The following ZBED5 variants were observed in gnomAD, a reference collection of about 807,000 sequenced individuals.
ZBED5 encodes zinc finger BED domain-containing protein 5.
In ZBED5, 29 loss-of-function variants were observed where a neutral mutation model predicts 49.2. The observed-to-expected ratio is 0.59, with a 90% CI of 0.44 to 0.80. ZBED5 has a LOEUF of 0.80. ZBED5 is among the 30% of genes least tolerant of loss of function. The pLI is 0.00. For synonymous variants in ZBED5, 281 were observed against 292.5 expected (o/e 0.96, Z 0.40); for missense variants, 775 against 812.9 (o/e 0.95, Z 0.57).
chr11:10,853,089 G>T lies in ZBED5; in HGVS notation c.1857C>A (p.Ser619Arg). ...SELSLNDFWSSLIQEYPSIAR... is the reference protein window; with the variant it reads ...SELSLNDFWSRLIQEYPSIAR... ...CAATGCTTGGGTATTCCTGAATTAG[G>T]CTACTCCAAAAATCATTTAGTGAAA... Residue 619 changes from serine to arginine, a missense_variant, in exon 3 of 3, where the codon AGC (serine) becomes AGA (arginine). By Grantham distance (110) the Ser-to-Arg change is moderately radical. Transcript: ENST00000413761. The surrounding 1 kb of genome is among the most constrained non-coding windows in gnomAD (Gnocchi z 5.4). The T allele has an allele frequency of 6.4e-7, 1 of 1,551,554 alleles. No individual in the cohort carries two copies. The highest frequency in any genetic ancestry group is 8.7e-7 in the Non-Finnish European group (1 of 1,146,952).
In ZBED5 at chr11:10,853,522, G is replaced by T. The variant is rs1360438206; in HGVS notation, c.1424C>A (p.Ala475Glu). ...TTTAGTAAAAATATCTGCAAGATAT[G>T]CAAGTCTTAGCAGCCAAGATGAATT... ...LTNSSWLLRLAYLADIFTKLN... is the reference protein window; with the variant it reads ...LTNSSWLLRLEYLADIFTKLN... Residue 475 changes from alanine (A) to glutamate (E), a missense_variant, in exon 3 of 3, where the codon GCA becomes GAA. Coordinates refer to ENST00000413761, the MANE Select transcript of ZBED5 (RefSeq NM_001143667.2). This position sits in a 1 kb window ranked among gnomAD's most constrained non-coding sequence, Gnocchi z 5.4. 2 of 1,550,322 alleles carry T rather than the reference G, an allele frequency of 1.3e-6. No homozygotes were observed. Among genetic ancestry groups the T allele is most frequent in the South Asian group, 1.2e-5 (1 of 83,854 alleles).
At position 10,854,235 on chromosome 11, in the gene ZBED5, T is replaced by A; in HGVS notation, c.711A>T (p.Lys237Asn). 1 of 1,550,944 alleles carries A rather than the reference T, an allele frequency of 6.4e-7. No individual in the cohort carries two copies. The highest frequency in any genetic ancestry group is 8.7e-7 in the Non-Finnish European group (1 of 1,146,540). ...TGTTTGATAGCTGTACTGCATCTAT[T>A]TTTTTACTATATTGTTCATCAAACA... ...MRMFDEQYSKKIDAVQLSNST... is the reference protein window; with the variant it reads ...MRMFDEQYSKNIDAVQLSNST... The change falls in exon 3 of 3, where the codon AAA becomes AAT. Residue 237 changes from lysine to asparagine, a missense_variant. Physicochemically the swap from Lys to Asn is moderately conservative, Grantham distance 94. Transcript: ENST00000413761. This position sits in a 1 kb window ranked among gnomAD's most constrained non-coding sequence, Gnocchi z 5.0.
rs1848163393 is a variant in ZBED5 at position 10,855,142 on chromosome 11, T to G, written c.-141-56A>C. 7.6e-6 allele frequency: 4 copies of G among 528,882 alleles called. No homozygotes were observed. Among genetic ancestry groups the G allele is most frequent in the Non-Finnish European group, 1.3e-5 (4 of 315,708 alleles). The allele number at this position is 528,882 out of a possible 1,614,324, so 32.8% of individuals were successfully genotyped here. On this transcript the variant is annotated intron_variant, in intron 2 of 2. Coordinates refer to ENST00000413761, the MANE Select transcript of ZBED5 (RefSeq NM_001143667.2). The surrounding 1 kb of genome is among the most constrained non-coding windows in gnomAD (Gnocchi z 4.1). ...AGCTATAGAAATGAGTTTAGCAGTC[T>G]TAATCTCATATTTAAATAAACATAT... is the stretch of plus-strand genomic sequence containing the variant.
chr11:10,853,938 T>C lies in ZBED5; in HGVS notation c.1008A>G (p.Glu336=), dbSNP rs77773494. The change falls in exon 3 of 3, where the codon GAA becomes GAG. Residue 336 remains glutamate, a synonymous_variant. Transcript: ENST00000413761. This position sits in a 1 kb window ranked among gnomAD's most constrained non-coding sequence, Gnocchi z 5.4. ...SFMQKHEIEW[E]KCVDVCSDAS... ...CATCACTACAAACATCAACACATTT[T>C]TCCCATTCAATTTCATGTTTCTGCA... The C allele has an allele frequency of 2.8e-4, 441 of 1,551,564 alleles. 5 individuals carry two copies. The African/African-American group carries it at 5.1e-3, about 18-fold the overall frequency.
rs1848127897 is a variant in ZBED5 at position 10,853,354 on chromosome 11, C to T, written c.1592G>A (p.Ser531Asn). Residue 531 changes from serine to asparagine, a missense_variant, in exon 3 of 3, where the codon AGT (serine) becomes AAT (asparagine). Ser to Asn is a conservative substitution (Grantham distance 46). Transcript: ENST00000413761. This position sits in a 1 kb window ranked among gnomAD's most constrained non-coding sequence, Gnocchi z 5.4. The part of the protein sequence containing the change: ...EENFDCFPTL[S>N]DFLTEINSTV... ...AGAATTAATTTCAGTCAAAAAATCA[C>T]TGAGTGTAGGAAAACAATCAAAGTT... 6.4e-7 allele frequency: 1 copy of T among 1,551,590 alleles called. No homozygotes were observed. The highest frequency in any genetic ancestry group is 8.7e-7 in the Non-Finnish European group (1 of 1,146,930).
chr11:10,853,819 C>A lies in ZBED5; in HGVS notation c.1127G>T (p.Arg376Ile). Reference sequence around the variant, plus strand: ...CATTATTTTAACTGCCAGTGCATGTCTGTATAATAGGCAGTGACTACTGGT... The same window carrying A: ...CATTATTTTAACTGCCAGTGCATGTATGTATAATAGGCAGTGACTACTGGT... ...ESTSSHCLLYRHALAVKIMPT... is the reference protein window; with the variant it reads ...ESTSSHCLLYIHALAVKIMPT... The change falls in exon 3 of 3, where the codon AGA becomes ATA. Residue 376 changes from arginine to isoleucine, a missense_variant. Transcript: ENST00000413761. This position sits in a 1 kb window ranked among gnomAD's most constrained non-coding sequence, Gnocchi z 5.4. 6.4e-7 allele frequency: 1 copy of A among 1,551,586 alleles called. No individual in the cohort carries two copies. The highest frequency in any genetic ancestry group is 8.7e-7 in the Non-Finnish European group (1 of 1,146,934).
Position 10,853,730 on chromosome 11 carries a change from G to A in ZBED5, c.1216C>T (p.Pro406Ser). ...ATTTTTAATAGTCTGGATTGATGTG[G>A]TCGAGCTTTAATATAATTGATGATT... The part of the protein sequence containing the change: ...VQIINYIKAR[P>S]HQSRLLKILC... The change falls in exon 3 of 3, where the codon CCA becomes TCA. Residue 406 changes from proline to serine, a missense_variant. Pro to Ser is a moderately conservative substitution (Grantham distance 74, BLOSUM62 -1). Coordinates refer to ENST00000413761, the MANE Select transcript of ZBED5 (RefSeq NM_001143667.2). The surrounding 1 kb of genome is among the most constrained non-coding windows in gnomAD (Gnocchi z 5.4). 1 of 1,551,608 alleles carries A rather than the reference G, an allele frequency of 6.4e-7. No homozygotes were observed. The highest frequency in any genetic ancestry group is 8.7e-7 in the Non-Finnish European group (1 of 1,146,936).
chr11:10,856,020 G>A (rs868820224), intron 2 of ZBED5, 124 bp downstream of exon 2: 5 of 152,142 alleles, frequency 3.3e-5, no homozygotes, highest in Non-Finnish European at 7.4e-5. Context: ...TACAAATTAT[G>A]TCTGTCCAAA....
In ZBED5 at chr11:10,853,104, A is replaced by G. The variant is rs550676659; in HGVS notation, c.1842T>C (p.Asn614=). 153 of 1,551,686 alleles carry G rather than the reference A, an allele frequency of 9.9e-5. 2 individuals are homozygous for G. The South Asian group carries it at 1.7e-3, about 18-fold the overall frequency. ...VKQNFSELSL[N]DFWSSLIQEY... Reference sequence around the variant, plus strand: ...CCTGAATTAGGCTACTCCAAAAATCATTTAGTGAAAGTTCACTAAAATTTT... The same window carrying G: ...CCTGAATTAGGCTACTCCAAAAATCGTTTAGTGAAAGTTCACTAAAATTTT... The change falls in exon 3 of 3, where the codon AAT becomes AAC. Residue 614 remains asparagine (N), a synonymous_variant. Transcript: ENST00000413761. This position sits in a 1 kb window ranked among gnomAD's most constrained non-coding sequence, Gnocchi z 5.4.
Position 10,855,459 on chromosome 11 carries a change from G to A in ZBED5, c.-141-373C>T, listed in dbSNP as rs1267485940. 6.6e-6 allele frequency among the ~76,000 whole-genome samples: 1 copy of A among 152,122 alleles called. No homozygotes were observed. Among genetic ancestry groups the A allele is most frequent in the African/African-American group, 2.4e-5 (1 of 41,416 alleles). On this transcript the variant is annotated intron_variant, in intron 2 of 2. Transcript: ENST00000413761. This position sits in a 1 kb window ranked among gnomAD's most constrained non-coding sequence, Gnocchi z 4.1. ...GACAATACATGAAAGAATGGACACA[G>A]GTGTGTTCCAATAAAACTTTACGTA...
In ZBED5 at chr11:10,853,639, G is replaced by C. The variant is rs1590060543; in HGVS notation, c.1307C>G (p.Ser436Cys). The change falls in exon 3 of 3, where the codon TCT becomes TGT. Residue 436 changes from serine (S) to cysteine (C), a missense_variant. Transcript: ENST00000413761. The surrounding 1 kb of genome is among the most constrained non-coding windows in gnomAD (Gnocchi z 5.4). ...AAGTCTTACAAGAACTTTACCTCGA[G>C]AAAGCCACCTCACCTCTGTATTTAG... Reference protein sequence around the residue: ...LLLNTEVRWLSRGKVLVRLFE... With the variant: ...LLLNTEVRWLCRGKVLVRLFE... 2 of 1,551,618 alleles carry C rather than the reference G, an allele frequency of 1.3e-6. No homozygotes were observed. Among genetic ancestry groups the C allele is most frequent in the Non-Finnish European group, 8.7e-7 (1 of 1,146,944 alleles).
chr11:10,854,917 G>C lies in ZBED5; in HGVS notation c.29C>G (p.Ser10Cys). The C allele has an allele frequency of 6.4e-7, 1 of 1,550,776 alleles. No homozygotes were observed. Among genetic ancestry groups the C allele is most frequent in the Non-Finnish European group, 8.7e-7 (1 of 1,146,302 alleles). The change falls in exon 3 of 3, where the codon TCT (serine) becomes TGT (cysteine). Residue 10 changes from serine to cysteine, a missense_variant. By Grantham distance (112) the Ser-to-Cys change is moderately radical. Coordinates refer to ENST00000413761, the MANE Select transcript of ZBED5 (RefSeq NM_001143667.2). This position sits in a 1 kb window ranked among gnomAD's most constrained non-coding sequence, Gnocchi z 5.0. Reference protein sequence around the residue: MIAPLLCILSYNFNTFAILN... With the variant: MIAPLLCILCYNFNTFAILN... ...TATCGCAAATGTGTTGAAATTATAA[G>C]ACAGGATACAAAGAAGAGGAGCAAT...
In ZBED5 at chr11:10,857,587, G is replaced by GT. The variant is rs1848201321; in HGVS notation, c.-256+274_-256+275insA. On this transcript the variant is annotated intron_variant, in intron 1 of 2. Coordinates refer to ENST00000413761, the MANE Select transcript of ZBED5 (RefSeq NM_001143667.2). The surrounding 1 kb of genome is among the most constrained non-coding windows in gnomAD (Gnocchi z 6.3). ...GCCCACAGATTGCCACGACTGGGGG[G>GT]CTCCCTACCAGTCGCAGCCCACCCT... The GT allele has an allele frequency of 2.0e-5, 3 of 152,244 alleles. No individual in the cohort carries two copies. The highest frequency in any genetic ancestry group is 2.0e-4 in the Admixed American group (3 of 15,264). 9.4% of individuals were successfully genotyped at this position (152,244 alleles called of 1,614,324 possible). A position where few individuals can be genotyped will look rare whatever the true frequency, so the allele number is the denominator to read the frequency against.
chr11:10,853,037 G>A lies in ZBED5; in HGVS notation c.1909C>T (p.Pro637Ser), dbSNP rs1006327057. ...IARRAVRVLL[P>S]FATMHLCETG... ...TCACACAGGTGCATTGTAGCAAAAG[G>A]AAGAAGTACACGCACTGCACGCCTT... The change falls in exon 3 of 3, where the codon CCT becomes TCT. Residue 637 changes from proline to serine, a missense_variant. Coordinates refer to ENST00000413761, the MANE Select transcript of ZBED5 (RefSeq NM_001143667.2). This position sits in a 1 kb window ranked among gnomAD's most constrained non-coding sequence, Gnocchi z 5.4. 1.3e-6 allele frequency: 2 copies of A among 1,551,630 alleles called. No individual in the cohort carries two copies. The highest frequency in any genetic ancestry group is 1.7e-6 in the Non-Finnish European group (2 of 1,146,938).
Position 10,854,616 on chromosome 11 carries a change from A to G in ZBED5, c.330T>C (p.Tyr110=), listed in dbSNP as rs1053984067. Reference sequence around the variant, plus strand: ...ATCCAAAAGACAAATAACTTTCATCATATTTTCTTCTTTTTGGTTTTTTAC... The same window carrying G: ...ATCCAAAAGACAAATAACTTTCATCGTATTTTCTTCTTTTTGGTTTTTTAC... ...TFSKKPKRRK[Y]DESYLSFGFT... Residue 110 remains tyrosine (Y), a synonymous_variant, in exon 3 of 3, where the codon TAT becomes TAC. Transcript: ENST00000413761. The surrounding 1 kb of genome is among the most constrained non-coding windows in gnomAD (Gnocchi z 5.0). 1.1e-5 allele frequency: 17 copies of G among 1,550,906 alleles called. No homozygotes were observed. Among genetic ancestry groups the G allele is most frequent in the Admixed American group, 2.0e-5 (1 of 50,910 alleles).
chr11:10,856,134 G>T lies in ZBED5; in HGVS notation c.-142+10C>A, dbSNP rs912666180. Reference sequence around the variant, plus strand: ...ATGGTTCTCCTATTAAGGGGTAGAGGATAAGATACCTGAAATAAGGTGTTC... The same window carrying T: ...ATGGTTCTCCTATTAAGGGGTAGAGTATAAGATACCTGAAATAAGGTGTTC... On this transcript the variant is annotated intron_variant, in intron 2 of 2. Transcript: ENST00000413761. The T allele has an allele frequency of 2.0e-5, 3 of 152,082 alleles. No homozygotes were observed. Among genetic ancestry groups the T allele is most frequent in the Non-Finnish European group, 4.4e-5 (3 of 68,020 alleles). 9.4% of individuals were successfully genotyped at this position (152,082 alleles called of 1,614,324 possible). A position where few individuals can be genotyped will look rare whatever the true frequency, so the allele number is the denominator to read the frequency against.
rs1426489183 is a variant in ZBED5 at position 10,853,356 on chromosome 11, G to A, written c.1590C>T (p.Leu530=). 4 of 1,551,536 alleles carry A rather than the reference G, an allele frequency of 2.6e-6. No homozygotes were observed. Among genetic ancestry groups the A allele is most frequent in the East Asian group, 2.4e-5 (1 of 40,918 alleles). ...AATTAATTTCAGTCAAAAAATCACT[G>A]AGTGTAGGAAAACAATCAAAGTTTT... The part of the protein sequence containing the change: ...EEENFDCFPT[L]SDFLTEINST... The change falls in exon 3 of 3, where the codon CTC becomes CTT. Residue 530 remains leucine, a synonymous_variant. Transcript: ENST00000413761. This position sits in a 1 kb window ranked among gnomAD's most constrained non-coding sequence, Gnocchi z 5.4.
chr11:10,856,472 C>G (rs1356919553), intron 1 of ZBED5, among the ~76,000 whole-genome samples: 1 of 152,094 alleles, frequency 6.6e-6, no homozygotes, highest in South Asian at 2.1e-4. Flanking sequence ...GAGATGTTCC[C>G]CCACCTACTG....
Position 10,852,893 on chromosome 11 carries a change from T to C in ZBED5, c.2053A>G (p.Lys685Glu), listed in dbSNP as rs1848118747. 6 of 1,539,954 alleles carry C rather than the reference T, an allele frequency of 3.9e-6. No homozygotes were observed. Among genetic ancestry groups the C allele is most frequent in the Non-Finnish European group, 5.3e-6 (6 of 1,137,284 alleles). Reference protein sequence around the residue: ...ITPNIKRICDKKTQKHCSH With the variant: ...ITPNIKRICDEKTQKHCSH The stretch of plus-strand genomic sequence containing the variant: ...TGAGAACAGTGTTTTTGTGTCTTTT[T>C]ATCACATATCCGCTTAATATTAGGT... Residue 685 changes from lysine to glutamate, a missense_variant, in exon 3 of 3, where the codon AAA becomes GAA. By Grantham distance (56) the Lys-to-Glu change is moderately conservative (BLOSUM62 1). Coordinates refer to ENST00000413761, the MANE Select transcript of ZBED5 (RefSeq NM_001143667.2).
Sources: allele counts gnomAD v4.1 joint callset (sites outside exome capture counted in the v4.1 genomes callset), GRCh38; gene constraint gnomAD v4.1.1; non-coding constraint Gnocchi (gnomAD v3.1); transcripts MANE v1.5; gene names NCBI Gene and HGNC (gene_info 2026-07-23, HGNC 2026-07-21).